Variants in TMEM242 observed in about 807,000 individuals in gnomAD.
The protein encoded by TMEM242 is transmembrane protein 242, also known as UPF0463 transmembrane protein C6orf35.
In TMEM242, 10 loss-of-function variants were observed where a neutral mutation model predicts 18.2. That is an observed-to-expected ratio of 0.55 (90% CI 0.34 to 0.93). The LOEUF is 0.93. Ranked by LOEUF, TMEM242 falls within the 40% of genes least tolerant of loss-of-function variation. TMEM242 has a pLI of 0.02. For missense variants in TMEM242, 186 were observed against 175.5 expected, an observed-to-expected ratio of 1.06 and a Z score of -0.34; for synonymous variants, 57 against 69.9, an observed-to-expected ratio of 0.81 and a Z score of 0.92.
chr6:157,304,486 AAAAAAGAGAGAG>A (rs1777880511), intron 3 of TMEM242, among the ~76,000 whole-genome samples: 1 of 100,316 alleles, frequency 1.0e-5, no homozygotes, highest in Non-Finnish European at 1.9e-5. Flanking sequence ...AAAAAAAAAA[AAAAAAGAGAGAG>A]AGAGAGAGTG....
At chr6:157,294,347 CTTTTTTTT>C (rs587765277) in intron 3 of TMEM242, among the ~76,000 whole-genome samples, 9 of 115,250 alleles carry the variant, frequency 7.8e-5, no homozygotes, top group Non-Finnish European at 1.6e-4. Context: ...CAAGTCATTT[CTTTTTTTT>C]TTTTTTTTTT....
intron 3 of TMEM242, among the ~76,000 whole-genome samples, chr6:157,312,183 T>G: frequency 2.7e-5 from 4 of 150,220 alleles, no homozygotes; most frequent in Non-Finnish European, 5.9e-5. Context: ...CCCGGCCTCA[T>G]CATAGTGTCC....
At chr6:157,319,712 A>G (rs1445724561) in intron 2 of TMEM242, among the ~76,000 whole-genome samples, 1 of 152,208 alleles carries the variant, frequency 6.6e-6, no homozygotes, top group Non-Finnish European at 1.5e-5. Flanking sequence ...TATCATTTTA[A>G]TGTCCTCTGG....
At chr6:157,293,224 AC>A (rs1562377390) in intron 3 of TMEM242, among the ~76,000 whole-genome samples, 1 of 152,076 alleles carries the variant, frequency 6.6e-6, no homozygotes, top group Non-Finnish European at 1.5e-5. Context: ...ATAACATAAA[AC>A]TTCACTCTTA....
chr6:157,311,275 C>G (rs1778070215), intron 3 of TMEM242, among the ~76,000 whole-genome samples: 4 of 150,596 alleles, frequency 2.7e-5, no homozygotes, highest in Non-Finnish European at 5.9e-5. Context: ...TCATAGTGCC[C>G]CCGTGTGCAC....
chr6:157,308,339 C>A (rs1777943604), intron 3 of TMEM242, among the ~76,000 whole-genome samples: 1 of 152,082 alleles, frequency 6.6e-6, no homozygotes, highest in Non-Finnish European at 1.5e-5. Flanking sequence ...TAGCTAAGGC[C>A]CTCCAGTTGG....
chr6:157,314,161 T>A, intron 3 of TMEM242, among the ~76,000 whole-genome samples: 1 of 151,712 alleles, frequency 6.6e-6, no homozygotes, highest in Admixed American at 6.6e-5. Flanking sequence ...TGTCCCTGTG[T>A]GCGCTCACCC....
intron 3 of TMEM242, 151 bp downstream of exon 3, chr6:157,318,631 G>T: frequency 2.5e-6 from 2 of 813,698 alleles, no homozygotes; most frequent in Non-Finnish European, 3.8e-6. Context: ...AAGTTGTCTA[G>T]TTATTTGTAA....
chr6:157,302,334 T>C (rs1049910694), intron 3 of TMEM242, among the ~76,000 whole-genome samples: 1 of 152,228 alleles, frequency 6.6e-6, no homozygotes. Flanking sequence ...GTTCCCACCA[T>C]CCACCTATAA....
At chr6:157,312,736 G>C (rs587690512) in intron 3 of TMEM242, among the ~76,000 whole-genome samples, 1 of 88,272 alleles carries the variant, frequency 1.1e-5, no homozygotes, top group Non-Finnish European at 2.4e-5. Flanking sequence ...CTGTCCCAGT[G>C]TGCGCTCACC....
chr6:157,297,900 A>C (rs1554247259), intron 3 of TMEM242, among the ~76,000 whole-genome samples: 1 of 152,268 alleles, frequency 6.6e-6, no homozygotes. Context: ...TATTATTTAG[A>C]TAAATGTCAG....
At chr6:157,299,919 C>G in intron 3 of TMEM242, 1 of 1,611,586 alleles carries the variant, frequency 6.2e-7, no homozygotes, top group South Asian at 1.1e-5. Context: ...GCCATGCCCA[C>G]CGATCCAGTT....
chr6:157,316,737 A>G (rs1778398887), intron 3 of TMEM242, among the ~76,000 whole-genome samples: 1 of 152,140 alleles, frequency 6.6e-6, no homozygotes, highest in Non-Finnish European at 1.5e-5. Flanking sequence ...TGAGCCAGGC[A>G]TAGTGACATG....
In TMEM242 at chr6:157,318,811, C is replaced by T. The variant is rs868955517; in HGVS notation, c.298G>A (p.Ala100Thr). 6.8e-6 allele frequency: 11 copies of T among 1,613,894 alleles called. No homozygotes were observed. The highest frequency in any genetic ancestry group is 3.3e-5 in the South Asian group (3 of 91,066). Residue 100 changes from alanine (A) to threonine (T), a missense_variant, in exon 3 of 4, where the codon GCA becomes ACA. Transcript: ENST00000400788. ...TGAACTCCTAAAGCTTTCCAGACTG[C>T]GAAGCTAATCACACCAACCCCACAC... is the stretch of plus-strand genomic sequence containing the variant. Reference protein sequence around the residue: ...AWCGVGVISFAVWKALGVHSM... With the variant: ...AWCGVGVISFTVWKALGVHSM...
intron 3 of TMEM242, among the ~76,000 whole-genome samples, chr6:157,315,556 T>G (rs1048884463): frequency 6.6e-6 from 1 of 152,238 alleles, no homozygotes; most frequent in Non-Finnish European, 1.5e-5. Context: ...TCTTTCTTTG[T>G]GGTCCCAGCA....
At chr6:157,302,993 T>C (rs1777851367) in intron 3 of TMEM242, among the ~76,000 whole-genome samples, 2 of 152,224 alleles carry the variant, frequency 1.3e-5, no homozygotes, top group African/African-American at 4.8e-5. Context: ...CCAGTTCTGA[T>C]ATTCCATTCT....
chr6:157,300,189 C>T (rs587720935), intron 3 of TMEM242: 2 of 482,484 alleles, frequency 4.1e-6, no homozygotes, highest in East Asian at 7.9e-5. Context: ...GACGTCGCAA[C>T]GCCAAGAGAG....
chr6:157,299,027 T>A (rs1401657769), intron 3 of TMEM242: 1 of 298,282 alleles, frequency 3.4e-6, no homozygotes, highest in African/African-American at 2.2e-5. Context: ...AATTTCAGAA[T>A]GGTAGTTTTA....
intron 3 of TMEM242, among the ~76,000 whole-genome samples, chr6:157,313,359 TGGCC>T: frequency 3.0e-4 from 1 of 3,376 alleles, no homozygotes; most frequent in South Asian, 0.012. Flanking sequence ...TGCGCTCACC[TGGCC>T]TCATCATAGT....
Sources: gnomAD v4.1 joint callset for allele counts (sites outside exome capture counted in the v4.1 genomes callset) on GRCh38, gnomAD v4.1.1 for gene constraint, MANE v1.5 for transcripts, NCBI Gene and HGNC (gene_info 2026-07-23, HGNC 2026-07-21) for gene names.